TPPP3: variants seen among roughly 807,000 people sequenced by gnomAD.
The protein encoded by TPPP3 is tubulin polymerization-promoting protein family member 3.
In TPPP3, 7 loss-of-function variants were observed where a neutral mutation model predicts 13.1. The observed-to-expected ratio is 0.54, with a 90% confidence interval of 0.30 to 1.01. The LOEUF (loss-of-function observed/expected upper bound fraction) is 1.01, where lower values mean the gene tolerates loss of function less well. Ranked by LOEUF, TPPP3 falls within the 50% of genes least tolerant of loss-of-function variation. The pLI is 0.06. For missense variants in TPPP3, 185 were observed against 235.0 expected (o/e 0.79, Z 1.39); for synonymous variants, 87 against 93.7 (o/e 0.93, Z 0.41).
In TPPP3 at chr16:67,390,686, G is replaced by A. The variant is rs1464827029; in HGVS notation, c.189-54C>T. 1.1e-5 allele frequency: 18 copies of A among 1,566,548 alleles called. No homozygotes were observed. In the East Asian group the frequency reaches 2.2e-4, roughly 20 times the overall value. On this transcript the variant is annotated intron_variant, in intron 2 of 3. Coordinates refer to ENST00000393957, the MANE Select transcript of TPPP3 (RefSeq NM_015964.4). This position sits in a 1 kb window ranked among gnomAD's most constrained non-coding sequence, Gnocchi z 6.4. ...TCCCCTTTCTTTTTTCTCCCCCAGG[G>A]GAAAGCTCAAACACATTTGCTGCCA...
chr16:67,393,131 G>T lies in TPPP3; in HGVS notation c.-7+249C>A. On this transcript the variant is annotated intron_variant, in intron 1 of 3. Coordinates refer to ENST00000393957, the MANE Select transcript of TPPP3 (RefSeq NM_015964.4). The surrounding 1 kb of genome is among the most constrained non-coding windows in gnomAD (Gnocchi z 5.4). ...CCCCATGGGTCTGCAGGCCATGGAT[G>T]GAGTGGCCACACCCGTGAACTGGAG... The T allele has an allele frequency of 1.3e-6, 1 of 753,624 alleles. No individual in the cohort carries two copies. Among genetic ancestry groups the T allele is most frequent in the Non-Finnish European group, 1.6e-6 (1 of 618,040 alleles). 46.7% of individuals were successfully genotyped at this position (753,624 alleles called of 1,614,324 possible).
Position 67,390,531 on chromosome 16 carries a change from T to C in TPPP3, c.290A>G (p.Asp97Gly). ...FKGKSKEEAF[D>G]AICQLVAGKE... ...GCCTGCCACCAGCTGGCAGATGGCA[T>C]CGAAGGCCTCCTCCTTGCTCTTCCC... Residue 97 changes from aspartate to glycine, a missense_variant, in exon 3 of 4, where the codon GAT (aspartate) becomes GGT (glycine). Transcript: ENST00000393957. This position sits in a 1 kb window ranked among gnomAD's most constrained non-coding sequence, Gnocchi z 6.4. 1 of 1,614,010 alleles carries C rather than the reference T, an allele frequency of 6.2e-7. No individual in the cohort carries two copies.
In TPPP3 at chr16:67,390,017, A is replaced by C; in HGVS notation, c.*157T>G. 4.1e-6 allele frequency: 3 copies of C among 728,730 alleles called. No individual in the cohort carries two copies. The East Asian group carries it at 8.2e-5, about 20-fold the overall frequency. 45.1% of individuals were successfully genotyped at this position (728,730 alleles called of 1,614,324 possible). A position where few individuals can be genotyped will look rare whatever the true frequency, so the allele number is the denominator to read the frequency against. The stretch of plus-strand genomic sequence containing the variant: ...GGGGCCGCAGAGCAGCCTGGGTCAG[A>C]GGCCTGGTGGGCCAGCCCAGTGGGA... On this transcript the variant is annotated 3_prime_UTR_variant, in exon 4 of 4. Transcript: ENST00000393957. The surrounding 1 kb of genome is among the most constrained non-coding windows in gnomAD (Gnocchi z 6.4).
rs765138691 is a variant in TPPP3 at position 67,390,598 on chromosome 16, A to G, written c.223T>C (p.Phe75Leu). 1.2e-6 allele frequency: 2 copies of G among 1,612,588 alleles called. No homozygotes were observed. The highest frequency in any genetic ancestry group is 3.3e-5 in the Admixed American group (2 of 59,904). Residue 75 changes from phenylalanine (F) to leucine (L), a missense_variant, in exon 3 of 4, where the codon TTC becomes CTC. Transcript: ENST00000393957. This position sits in a 1 kb window ranked among gnomAD's most constrained non-coding sequence, Gnocchi z 6.4. Reference sequence around the variant, plus strand: ...GCCAGCTCTTCCAGGGCCTTCTTGAACTCCTCATAGTTGATGACCCGAGCA... The same window carrying G: ...GCCAGCTCTTCCAGGGCCTTCTTGAGCTCCTCATAGTTGATGACCCGAGCA... ...KSARVINYEE[F>L]KKALEELATK...
Position 67,390,288 on chromosome 16 carries a change from G to A in TPPP3, c.417C>T (p.Phe139=), listed in dbSNP as rs747155014. The A allele has an allele frequency of 9.9e-6, 16 of 1,614,044 alleles. No individual in the cohort carries two copies. Among genetic ancestry groups the A allele is most frequent in the East Asian group, 8.9e-5 (4 of 44,890 alleles). Residue 139 remains phenylalanine (F), a synonymous_variant, in exon 4 of 4, where the codon TTC becomes TTT. Transcript: ENST00000393957. The surrounding 1 kb of genome is among the most constrained non-coding windows in gnomAD (Gnocchi z 6.4). ...SRYTGSHKER[F]DESGKGKGIA... is the part of the protein sequence containing the mutation. The stretch of plus-strand genomic sequence containing the variant: ...TGCCCTTGCCCTTGCCGCTCTCATC[G>A]AAGCGCTCCTTGTGGGAGCCCGTGT...
chr16:67,392,275 AC>A lies in TPPP3; in HGVS notation c.-7+1104del, dbSNP rs1250168147. 6.6e-6 allele frequency among the ~76,000 whole-genome samples: 1 copy of A among 150,782 alleles called. No homozygotes were observed. Among genetic ancestry groups the A allele is most frequent in the African/African-American group, 2.4e-5 (1 of 40,836 alleles). On this transcript the variant is annotated intron_variant, in intron 1 of 3. Coordinates refer to ENST00000393957, the MANE Select transcript of TPPP3 (RefSeq NM_015964.4). This position sits in a 1 kb window ranked among gnomAD's most constrained non-coding sequence, Gnocchi z 4.9. ...CATATATACTAACAAGCCTGCGCCA[AC>A]CCCAGTAATACCCACAGTCCAGCAC...
At position 67,389,866 on chromosome 16, in the gene TPPP3, C is replaced by G; in HGVS notation, c.*308G>C. The G allele has an allele frequency of 1.0e-5, 4 of 386,368 alleles. No homozygotes were observed. In the South Asian group the frequency reaches 2.0e-4, roughly 20 times the overall value. The allele number at this position is 386,368 out of a possible 1,614,324, so 23.9% of individuals were successfully genotyped here. On this transcript the variant is annotated 3_prime_UTR_variant, in exon 4 of 4. Coordinates refer to ENST00000393957, the MANE Select transcript of TPPP3 (RefSeq NM_015964.4). ...GTTAAAATTAGGCACTTGGCCAGAG[C>G]AGCAGCTTAAATATGAGGCAAGCAG...
Position 67,391,345 on chromosome 16 carries a change from CTCAGCAGGGT to C in TPPP3, c.-6-238_-6-229del. ...CTTGTCACTAATGCCAGCCCTGGCT[CTCAGCAGGGT>C]TCAGCAGATGAAATAATGATGCCCA... On this transcript the variant is annotated intron_variant, in intron 1 of 3. Coordinates refer to ENST00000393957, the MANE Select transcript of TPPP3 (RefSeq NM_015964.4). The surrounding 1 kb of genome is among the most constrained non-coding windows in gnomAD (Gnocchi z 6.3). 1.7e-6 allele frequency: 1 copy of C among 574,470 alleles called. No individual in the cohort carries two copies. The highest frequency in any genetic ancestry group is 3.1e-6 in the Non-Finnish European group (1 of 321,374). The allele number at this position is 574,470 out of a possible 1,614,324, so 35.6% of individuals were successfully genotyped here. A position where few individuals can be genotyped will look rare whatever the true frequency, so the allele number is the denominator to read the frequency against.
chr16:67,390,155 A>T lies in TPPP3; in HGVS notation c.*19T>A. 6.2e-7 allele frequency: 1 copy of T among 1,610,132 alleles called. No homozygotes were observed. Among genetic ancestry groups the T allele is most frequent in the Non-Finnish European group, 8.5e-7 (1 of 1,176,970 alleles). On this transcript the variant is annotated 3_prime_UTR_variant, in exon 4 of 4. Coordinates refer to ENST00000393957, the MANE Select transcript of TPPP3 (RefSeq NM_015964.4). The surrounding 1 kb of genome is among the most constrained non-coding windows in gnomAD (Gnocchi z 6.4). ...TCTGGCAGGGGCAGCCGCACTTGGC[A>T]GGGCGGTCTTCCCAAGCCTCACTTC...
Position 67,390,185 on chromosome 16 carries a change from C to G in TPPP3, c.520G>C (p.Val174Leu), listed in dbSNP as rs2040307030. 1 of 1,614,136 alleles carries G rather than the reference C, an allele frequency of 6.2e-7. No individual in the cohort carries two copies. Reference protein sequence around the residue: ...YKNAGTYDAKVKK With the variant: ...YKNAGTYDAKLKK ...GGTCTTCCCAAGCCTCACTTCTTCA[C>G]CTTGGCATCGTAGGTGCCTGCATTC... Residue 174 changes from valine (V) to leucine (L), a missense_variant, in exon 4 of 4, where the codon GTG (valine) becomes CTG (leucine). Coordinates refer to ENST00000393957, the MANE Select transcript of TPPP3 (RefSeq NM_015964.4). The surrounding 1 kb of genome is among the most constrained non-coding windows in gnomAD (Gnocchi z 6.4).
rs934210329 is a variant in TPPP3, at chr16:67,389,946, A to G, written c.*228T>C. 5 of 569,724 alleles carry G rather than the reference A, an allele frequency of 8.8e-6. No individual in the cohort carries two copies. The highest frequency in any genetic ancestry group is 1.6e-5 in the Non-Finnish European group (5 of 319,394). 35.3% of individuals were successfully genotyped at this position (569,724 alleles called of 1,614,324 possible). On this transcript the variant is annotated 3_prime_UTR_variant, in exon 4 of 4. Coordinates refer to ENST00000393957, the MANE Select transcript of TPPP3 (RefSeq NM_015964.4). The stretch of plus-strand genomic sequence containing the variant: ...TGGGGTCATGAGGCTACAGGCACAG[A>G]CTGTCCCCAGGTGGACAGAAGTTGG...
chr16:67,393,498 T>G lies in TPPP3; in HGVS notation c.-125A>C. 1 of 985,476 alleles carries G rather than the reference T, an allele frequency of 1.0e-6. No homozygotes were observed. The allele number at this position is 985,476 out of a possible 1,614,324, so 61.0% of individuals were successfully genotyped here. A position where few individuals can be genotyped will look rare whatever the true frequency, so the allele number is the denominator to read the frequency against. On this transcript the variant is annotated 5_prime_UTR_variant, in exon 1 of 4. Coordinates refer to ENST00000393957, the MANE Select transcript of TPPP3 (RefSeq NM_015964.4). This position sits in a 1 kb window ranked among gnomAD's most constrained non-coding sequence, Gnocchi z 5.4. ...CTCCCTGCCGGCTCCCGGGTGGGAC[T>G]GCAGCCCAGGCGGCTCCGCCGTATT...
chr16:67,390,580 C>T lies in TPPP3; in HGVS notation c.241G>A (p.Glu81Lys). 2 of 1,614,032 alleles carry T rather than the reference C, an allele frequency of 1.2e-6. No homozygotes were observed. The highest frequency in any genetic ancestry group is 1.7e-6 in the Non-Finnish European group (2 of 1,180,022). ...NYEEFKKALEELATKRFKGKS... is the reference protein window; with the variant it reads ...NYEEFKKALEKLATKRFKGKS... ...CCCTTGAATCTCTTGGTCGCCAGCT[C>T]TTCCAGGGCCTTCTTGAACTCCTCA... The change falls in exon 3 of 4, where the codon GAG (glutamate) becomes AAG (lysine). Residue 81 changes from glutamate (E) to lysine (K), a missense_variant. Physicochemically the swap from Glu to Lys is moderately conservative, Grantham distance 56. Coordinates refer to ENST00000393957, the MANE Select transcript of TPPP3 (RefSeq NM_015964.4). The surrounding 1 kb of genome is among the most constrained non-coding windows in gnomAD (Gnocchi z 6.4).
chr16:67,393,023 G>T lies in TPPP3; in HGVS notation c.-7+357C>A, dbSNP rs979144078. The T allele has an allele frequency of 1.4e-5, 14 of 985,382 alleles. No homozygotes were observed. In the African/African-American group the frequency reaches 2.3e-4, roughly 16 times the overall value. The allele number at this position is 985,382 out of a possible 1,614,324, so 61.0% of individuals were successfully genotyped here. A position where few individuals can be genotyped will look rare whatever the true frequency, so the allele number is the denominator to read the frequency against. On this transcript the variant is annotated intron_variant, in intron 1 of 3. Transcript: ENST00000393957. The surrounding 1 kb of genome is among the most constrained non-coding windows in gnomAD (Gnocchi z 5.4). ...GGCCCAAGCACTGGGCGGATCCTGC[G>T]TGCAGTGCTCACTCCTGTCCGTGGA...
At position 67,389,985 on chromosome 16, in the gene TPPP3, G is replaced by A; in HGVS notation, c.*189C>T. 1.6e-6 allele frequency: 1 copy of A among 606,970 alleles called. No homozygotes were observed. Among genetic ancestry groups the A allele is most frequent in the Non-Finnish European group, 2.9e-6 (1 of 347,032 alleles). 37.6% of individuals were successfully genotyped at this position (606,970 alleles called of 1,614,324 possible). ...GACAGAAGTTGGAGCAGGAAGAGGA[G>A]GAGGAAGGGGCCGCAGAGCAGCCTG... On this transcript the variant is annotated 3_prime_UTR_variant, in exon 4 of 4. Transcript: ENST00000393957.
In TPPP3 at chr16:67,391,157, C is replaced by G. The variant is rs758885990; in HGVS notation, c.-6-40G>C. ...CTGGGTCATCTCCCAGCCAATCTGCCCTTCCCCTCCCCCAAGCCCAGAACA... is the reference window on the plus strand; with the variant it reads ...CTGGGTCATCTCCCAGCCAATCTGCGCTTCCCCTCCCCCAAGCCCAGAACA... On this transcript the variant is annotated intron_variant, in intron 1 of 3. Transcript: ENST00000393957. This position sits in a 1 kb window ranked among gnomAD's most constrained non-coding sequence, Gnocchi z 6.3. The G allele has an allele frequency of 3.8e-6, 6 of 1,591,804 alleles. No homozygotes were observed. Among genetic ancestry groups the G allele is most frequent in the East Asian group, 2.2e-5 (1 of 44,692 alleles).
In TPPP3 at chr16:67,392,570, G is replaced by T. The variant is rs574617924; in HGVS notation, c.-7+810C>A. Among the ~76,000 whole-genome samples the T allele has an allele frequency of 6.6e-6, 1 of 152,050 alleles. No individual in the cohort carries two copies. Among genetic ancestry groups the T allele is most frequent in the Non-Finnish European group, 1.5e-5 (1 of 68,008 alleles). On this transcript the variant is annotated intron_variant, in intron 1 of 3. Transcript: ENST00000393957. The surrounding 1 kb of genome is among the most constrained non-coding windows in gnomAD (Gnocchi z 4.9). Reference sequence around the variant, plus strand: ...GGCCACACCCTCAGCCTGCACTGAAGGCCCCAGTCCACATCCACACACTAA... The same window carrying T: ...GGCCACACCCTCAGCCTGCACTGAATGCCCCAGTCCACATCCACACACTAA...
Position 67,393,363 on chromosome 16 carries a change from C to G in TPPP3, c.-7+17G>C. The G allele has an allele frequency of 1.0e-6, 1 of 985,560 alleles. No individual in the cohort carries two copies. The highest frequency in any genetic ancestry group is 1.2e-6 in the Non-Finnish European group (1 of 830,016). The allele number at this position is 985,560 out of a possible 1,614,324, so 61.1% of individuals were successfully genotyped here. ...TGATTGGGGTGGCGGGCATCTGGGT[C>G]TCCTATGGGCTTCTACCTCGCGGCT... On this transcript the variant is annotated intron_variant, in intron 1 of 3. Coordinates refer to ENST00000393957, the MANE Select transcript of TPPP3 (RefSeq NM_015964.4). The surrounding 1 kb of genome is among the most constrained non-coding windows in gnomAD (Gnocchi z 5.4).
Position 67,390,083 on chromosome 16 carries a change from G to A in TPPP3, c.*91C>T, listed in dbSNP as rs889389986. On this transcript the variant is annotated 3_prime_UTR_variant, in exon 4 of 4. Transcript: ENST00000393957. This position sits in a 1 kb window ranked among gnomAD's most constrained non-coding sequence, Gnocchi z 6.4. ...TGGGTGGCAGGTCCAGCAGGGAGGG[G>A]ACCAGGATCTCTTGCTCCACGTGCC... The A allele has an allele frequency of 2.0e-5, 28 of 1,386,552 alleles. No homozygotes were observed. Among genetic ancestry groups the A allele is most frequent in the Non-Finnish European group, 2.7e-5 (27 of 1,015,222 alleles). 85.9% of individuals were successfully genotyped at this position (1,386,552 alleles called of 1,614,324 possible). A position where few individuals can be genotyped will look rare whatever the true frequency, so the allele number is the denominator to read the frequency against.
Sources: gnomAD v4.1 joint callset for allele counts (sites outside exome capture counted in the v4.1 genomes callset) on GRCh38, gnomAD v4.1.1 for gene constraint, Gnocchi (gnomAD v3.1) non-coding constraint, MANE v1.5 for transcripts, NCBI Gene and HGNC (gene_info 2026-07-23, HGNC 2026-07-21) for gene names.